The following DYSF variants were observed in gnomAD, a reference collection of about 807,000 sequenced individuals.
The protein encoded by DYSF is dystrophy-associated fer-1-like 1.
Under a neutral mutation model 274.9 loss-of-function variants are expected in DYSF, and 212 were observed. The ratio of observed to expected loss-of-function variants is 0.77; its 90% CI spans 0.69 to 0.86. DYSF has a LOEUF of 0.86. Among genes scored for constraint, DYSF ranks in the 40% least tolerant of loss-of-function variants. DYSF has a pLI of 0.00. For synonymous variants in DYSF, 1,091 were observed against 1,078.7 expected, an observed-to-expected ratio of 1.01 and a Z score of -0.22; for missense variants, 2,666 against 2,783.2, an observed-to-expected ratio of 0.96 and a Z score of 0.95.
At chr2:71,520,945 C>T (rs760466800) in intron 12 of DYSF, 41 bp downstream of exon 12, 27 of 1,587,614 alleles carry the variant, frequency 1.7e-5, no homozygotes, top group East Asian at 6.7e-5. Context: ...GTCCCCCACG[C>T]GGCACTTGGT....
intron 38 of DYSF, among the ~76,000 whole-genome samples, chr2:71,611,894 C>T (rs966994272): frequency 1.3e-5 from 2 of 152,180 alleles, no homozygotes; most frequent in African/African-American, 2.4e-5. Flanking sequence ...TGGCTGTTGT[C>T]CCTCTGGGAC....
chr2:71,526,294 G>T lies in DYSF; in HGVS notation c.1224G>T (p.Leu408=). 1.9e-6 allele frequency: 3 copies of T among 1,614,244 alleles called. No individual in the cohort carries two copies. Among genetic ancestry groups the T allele is most frequent in the Non-Finnish European group, 2.5e-6 (3 of 1,180,042 alleles). ...SNLLRPTGVA[L]RGAHFCLKVF... ...TGCTCCGGCCCACAGGCGTAGCCCT[G>T]CGAGGAGCCCACTTCTGCCTGAAGG... The change falls in exon 13 of 56, where the codon CTG becomes CTT. Residue 408 remains leucine (L), a synonymous_variant. Transcript: ENST00000410020.
At chr2:71,655,241 T>C in intron 42 of DYSF, among the ~76,000 whole-genome samples, 1 of 152,154 alleles carries the variant, frequency 6.6e-6, no homozygotes, top group East Asian at 1.9e-4. Context: ...AGAATTAGAA[T>C]TTAAGACAAT....
At chr2:71,609,471 C>T (rs17007105) in intron 36 of DYSF, among the ~76,000 whole-genome samples, 1 of 135,038 alleles carries the variant, frequency 7.4e-6, no homozygotes, top group Non-Finnish European at 1.5e-5. Flanking sequence ...ATGGCAAAAA[C>T]AATGGTACTA....
intron 30 of DYSF, among the ~76,000 whole-genome samples, chr2:71,579,098 AC>A (rs1331028601): frequency 6.6e-6 from 1 of 150,584 alleles, no homozygotes; most frequent in Non-Finnish European, 1.5e-5. Flanking sequence ...TCCACCCCAC[AC>A]CCCCTGTGGC....
intron 30 of DYSF, among the ~76,000 whole-genome samples, chr2:71,578,854 CCTT>C (rs1253618497): frequency 1.3e-5 from 2 of 152,226 alleles, no homozygotes; most frequent in Non-Finnish European, 2.9e-5. Context: ...TTCCCTGAAA[CCTT>C]CTGCAGGGGC....
At chr2:71,565,246 C>CTTTTTTTTTTTTTTTTTTTTTTTTTTTT (rs796705736) in intron 24 of DYSF, among the ~76,000 whole-genome samples, 1 of 131,332 alleles carries the variant, frequency 7.6e-6, no homozygotes, top group African/African-American at 2.9e-5. Context: ...CCACCCAGCT[C>CTTTTTTTTTTTTTTTTTTTTTTTTTTTT]TTTTTTTTTT....
Position 71,477,813 on chromosome 2 carries a change from G to A in DYSF, c.92-3070G>A, listed in dbSNP as rs1323375382. Reference sequence around the variant, plus strand: ...GAAGTTAAGAACTACTACTTGTTGAGTTTTGATGTAGTATCAAAGAAGGAT... The same window carrying A: ...GAAGTTAAGAACTACTACTTGTTGAATTTTGATGTAGTATCAAAGAAGGAT... On this transcript the variant is annotated intron_variant, in intron 1 of 55. Coordinates refer to ENST00000410020, the MANE Select transcript of DYSF (RefSeq NM_001130987.2). Among the ~76,000 whole-genome samples the A allele has an allele frequency of 3.9e-5, 6 of 152,214 alleles. No homozygotes were observed. In the East Asian group the frequency reaches 1.2e-3, roughly 29 times the overall value.
At chr2:71,488,995 T>C (rs1267592643) in intron 3 of DYSF, among the ~76,000 whole-genome samples, 1 of 152,134 alleles carries the variant, frequency 6.6e-6, no homozygotes, top group Non-Finnish European at 1.5e-5. Flanking sequence ...CACCCCCACA[T>C]TGAGCTGGAT....
intron 23 of DYSF, among the ~76,000 whole-genome samples, chr2:71,563,133 GCTGCTGCTGCTGTGGGTGC>G (rs1454905583): frequency 6.6e-6 from 1 of 152,202 alleles, no homozygotes; most frequent in Non-Finnish European, 1.5e-5. Flanking sequence ...GTTCCTGGAA[GCTGCTGCTGCTGTGGGTGC>G]CACACTTTGA....
At chr2:71,496,456 C>T (rs574751466) in intron 3 of DYSF, among the ~76,000 whole-genome samples, 8 of 152,184 alleles carry the variant, frequency 5.3e-5, no homozygotes, top group East Asian at 1.9e-4. Context: ...AAGGAATGGG[C>T]GAGGCAGGGT....
intron 14 of DYSF, among the ~76,000 whole-genome samples, chr2:71,534,461 C>A (rs1384138070): frequency 1.3e-5 from 2 of 152,276 alleles, no homozygotes; most frequent in East Asian, 3.9e-4. Context: ...TGGGAAAAAC[C>A]TGGTCTTTAG....
chr2:71,661,399 C>CT lies in DYSF; in HGVS notation c.5003+756dup, dbSNP rs199957923. On this transcript the variant is annotated intron_variant, in intron 45 of 55. Transcript: ENST00000410020. ...GTGCATTACGTTTAACCAAACTAGA[C>CT]TTTTTTTTAAAGGATTTCATGTTTT... is the stretch of plus-strand genomic sequence containing the variant. Among the ~76,000 whole-genome samples the CT allele has an allele frequency of 6.4e-3, 975 of 151,986 alleles. 5 individuals are homozygous for CT. Among genetic ancestry groups the CT allele is most frequent in the Middle Eastern group, 0.041 (12 of 294 alleles).
intron 1 of DYSF, among the ~76,000 whole-genome samples, chr2:71,472,617 A>G (rs1469206731): frequency 6.6e-6 from 1 of 152,218 alleles, no homozygotes; most frequent in East Asian, 1.9e-4. Flanking sequence ...CATGTTAGCC[A>G]GGATGGTCTG....
chr2:71,669,292 G>A, intron 50 of DYSF, 85 bp downstream of exon 50: 1 of 1,212,474 alleles, frequency 8.2e-7, no homozygotes, highest in Non-Finnish European at 1.2e-6. Context: ...GGGGGCTCTG[G>A]CTCAGGGAAG....
At chr2:71,641,176 C>CTTT (rs1405599046) in intron 41 of DYSF, among the ~76,000 whole-genome samples, 1 of 103,478 alleles carries the variant, frequency 9.7e-6, no homozygotes, top group Non-Finnish European at 1.8e-5. Flanking sequence ...AAATGTTTAT[C>CTTT]TATTTTTTTT....
At chr2:71,618,983 G>A (rs538825078) in intron 40 of DYSF, among the ~76,000 whole-genome samples, 1 of 151,984 alleles carries the variant, frequency 6.6e-6, no homozygotes, top group African/African-American at 2.4e-5. Flanking sequence ...CTGGGATGCC[G>A]TGAAGGTGGG....
intron 17 of DYSF, among the ~76,000 whole-genome samples, chr2:71,543,055 A>G (rs1205801532): frequency 2.0e-4 from 30 of 147,140 alleles, no homozygotes; most frequent in South Asian, 2.1e-4. Flanking sequence ...GCTGCCCCCC[A>G]CCTCCCGGAC....
intron 36 of DYSF, among the ~76,000 whole-genome samples, chr2:71,603,852 TA>T (rs1222730439): frequency 2.0e-5 from 3 of 151,352 alleles, no homozygotes; most frequent in Non-Finnish European, 4.4e-5. Flanking sequence ...GATGAGTTAT[TA>T]AAAAAAAAGT....
Sources: allele counts gnomAD v4.1 joint callset (sites outside exome capture counted in the v4.1 genomes callset), GRCh38; gene constraint gnomAD v4.1.1; transcripts MANE v1.5; gene names NCBI Gene and HGNC (gene_info 2026-07-23, HGNC 2026-07-21).